Variants in KCND2 observed in about 807,000 individuals in gnomAD.
KCND2 encodes A-type voltage-gated potassium channel KCND2.
In KCND2, 16 loss-of-function variants were observed where a neutral mutation model predicts 54.4. The ratio of observed to expected loss-of-function variants is 0.29; its 90% CI spans 0.20 to 0.45. The LOEUF (loss-of-function observed/expected upper bound fraction) is 0.45, where lower values mean the gene tolerates loss of function less well. Among genes scored for constraint, KCND2 ranks in the 20% least tolerant of loss-of-function variants. The pLI, the probability that KCND2 is intolerant of heterozygous loss-of-function variation, is 1.00. For missense variants in KCND2, 486 were observed against 824.2 expected, an observed-to-expected ratio of 0.59 and a Z score of 5.02; for synonymous variants, 317 against 310.7, an observed-to-expected ratio of 1.02 and a Z score of -0.21.
intron 1 of KCND2, among the ~76,000 whole-genome samples, chr7:120,613,353 A>C (rs900936136): frequency 1.3e-5 from 2 of 152,154 alleles, no homozygotes; most frequent in African/African-American, 4.8e-5. Flanking sequence ...AACATGGCAA[A>C]ACCCCGGTCT....
chr7:120,308,347 C>T (rs1799678812), intron 1 of KCND2, among the ~76,000 whole-genome samples: 1 of 152,038 alleles, frequency 6.6e-6, no homozygotes, highest in Admixed American at 6.6e-5. Flanking sequence ...ATCCTGTTTA[C>T]TGAAATAGTT....
intron 1 of KCND2, among the ~76,000 whole-genome samples, chr7:120,682,875 T>G (rs916975991): frequency 2.0e-5 from 3 of 152,116 alleles, no homozygotes; most frequent in Non-Finnish European, 4.4e-5. Context: ...CTGCCATTAT[T>G]TGGTTTGTTG....
At chr7:120,668,126 T>A (rs552826602) in intron 1 of KCND2, among the ~76,000 whole-genome samples, 1 of 151,952 alleles carries the variant, frequency 6.6e-6, no homozygotes, top group South Asian at 2.1e-4. Context: ...AGAAAAAAAA[T>A]TAAAAACTGG....
intron 2 of KCND2, among the ~76,000 whole-genome samples, chr7:120,738,001 G>C (rs762153621): frequency 1.3e-5 from 2 of 151,914 alleles, no homozygotes; most frequent in African/African-American, 2.4e-5. Flanking sequence ...TTGGCTTATA[G>C]ATCCTTCTCA....
intron 1 of KCND2, among the ~76,000 whole-genome samples, chr7:120,632,709 A>G (rs1421642740): frequency 6.6e-6 from 1 of 152,170 alleles, no homozygotes. Flanking sequence ...CAGCACCATG[A>G]GTTGTTTTAC....
intron 4 of KCND2, 128 bp downstream of exon 4, chr7:120,742,730 A>C (rs1208668328): frequency 1.3e-6 from 1 of 746,578 alleles, no homozygotes; most frequent in African/African-American, 1.7e-5. Context: ...AAAAACAAAC[A>C]AACCAAAACC....
intron 1 of KCND2, among the ~76,000 whole-genome samples, chr7:120,637,286 CATTAAGTCTAAGG>C (rs1249670654): frequency 6.6e-6 from 1 of 152,066 alleles, no homozygotes; most frequent in Non-Finnish European, 1.5e-5. Flanking sequence ...AAAGTCCAGG[CATTAAGTCTAAGG>C]ATTAAGTCCC....
In KCND2 at chr7:120,448,498, A is replaced by G. The variant is rs986351678; in HGVS notation, c.1115+172751A>G. Among the ~76,000 whole-genome samples the G allele has an allele frequency of 2.0e-5, 3 of 152,158 alleles. 1 individual carries two copies. The highest frequency in any genetic ancestry group is 2.0e-4 in the Admixed American group (3 of 15,278). On this transcript the variant is annotated intron_variant, in intron 1 of 5. Coordinates refer to ENST00000331113, the MANE Select transcript of KCND2 (RefSeq NM_012281.3). ...AGTGCTGCAATAAACATACGTGTGC[A>G]TGTGTCTTTATAGCAGCATGATTTA...
chr7:120,431,024 C>G (rs1801781938), intron 1 of KCND2, among the ~76,000 whole-genome samples: 1 of 152,140 alleles, frequency 6.6e-6, no homozygotes, highest in African/African-American at 2.4e-5. Context: ...TCAATAATTT[C>G]TAAGTGTCCA....
intron 1 of KCND2, among the ~76,000 whole-genome samples, chr7:120,568,650 G>A (rs1792327398): frequency 6.6e-6 from 1 of 152,068 alleles, no homozygotes; most frequent in Non-Finnish European, 1.5e-5. Context: ...TAGTGCATGG[G>A]TTCTGAGCCA....
rs566107664 is a variant in KCND2 at position 120,736,458 on chromosome 7, T to C, written c.1278+3393T>C. 9.9e-5 allele frequency among the ~76,000 whole-genome samples: 15 copies of C among 152,156 alleles called. 1 individual carries two copies. The South Asian group carries it at 3.1e-3, about 32-fold the overall frequency. The stretch of plus-strand genomic sequence containing the variant: ...TTGATTCTCGTAGTTATACTATAAG[T>C]ATTTACTGAGTAGAATGTATTAGCC... On this transcript the variant is annotated intron_variant, in intron 2 of 5. Coordinates refer to ENST00000331113, the MANE Select transcript of KCND2 (RefSeq NM_012281.3).
chr7:120,482,240 C>G (rs771171726), intron 1 of KCND2, among the ~76,000 whole-genome samples: 7 of 152,134 alleles, frequency 4.6e-5, no homozygotes, highest in Non-Finnish European at 8.8e-5. Flanking sequence ...GCTTGTCATA[C>G]CATTTTATTT....
chr7:120,680,231 C>A (rs1043958240), intron 1 of KCND2, among the ~76,000 whole-genome samples: 1 of 152,096 alleles, frequency 6.6e-6, no homozygotes, highest in Admixed American at 6.6e-5. Flanking sequence ...CCTCTTTGCT[C>A]TCTGGCTGGG....
At chr7:120,425,089 G>T (rs190358239) in intron 1 of KCND2, among the ~76,000 whole-genome samples, 1 of 152,056 alleles carries the variant, frequency 6.6e-6, no homozygotes, top group Non-Finnish European at 1.5e-5. Flanking sequence ...TGCATAATTC[G>T]TTTACTTTGT....
intron 1 of KCND2, among the ~76,000 whole-genome samples, chr7:120,333,254 C>G (rs765664137): frequency 3.9e-5 from 6 of 152,050 alleles, no homozygotes; most frequent in Non-Finnish European, 7.4e-5. Flanking sequence ...TTGTAAGGAA[C>G]AAATGAAATA....
intron 1 of KCND2, among the ~76,000 whole-genome samples, chr7:120,293,646 C>G (rs572721330): frequency 2.6e-5 from 4 of 151,872 alleles, no homozygotes; most frequent in African/African-American, 9.7e-5. Context: ...TTATTATCAT[C>G]GTTATCACAG....
At chr7:120,504,826 T>G (rs1802990365) in intron 1 of KCND2, among the ~76,000 whole-genome samples, 1 of 151,666 alleles carries the variant, frequency 6.6e-6, no homozygotes, top group Non-Finnish European at 1.5e-5. Context: ...GGTAAGTTTT[T>G]GGTGAATGTT....
At chr7:120,403,385 T>C (rs766716802) in intron 1 of KCND2, among the ~76,000 whole-genome samples, 5 of 151,562 alleles carry the variant, frequency 3.3e-5, no homozygotes, top group Non-Finnish European at 7.4e-5. Flanking sequence ...GGTGCGATCA[T>C]GGCTTACTGC....
chr7:120,277,285 G>A (rs1799190226), intron 1 of KCND2, among the ~76,000 whole-genome samples: 1 of 152,010 alleles, frequency 6.6e-6, no homozygotes, highest in South Asian at 2.1e-4. Flanking sequence ...TGGCAAATTT[G>A]TGACAGTTTA....
Sources: gnomAD v4.1 joint callset for allele counts (sites outside exome capture counted in the v4.1 genomes callset) on GRCh38, gnomAD v4.1.1 for gene constraint, MANE v1.5 for transcripts, NCBI Gene and HGNC (gene_info 2026-07-23, HGNC 2026-07-21) for gene names.